The following ARFGAP3 variants were observed in gnomAD, a reference collection of about 807,000 sequenced individuals.
The protein encoded by ARFGAP3 is ADP-ribosylation factor GTPase-activating protein 3.
A neutral mutation model predicts 75.0 loss-of-function variants in ARFGAP3; 72 were observed. The ratio of observed to expected loss-of-function variants is 0.96; its 90% CI spans 0.79 to 1.17. The LOEUF is 1.17. Among genes scored for constraint, ARFGAP3 ranks in the 50% most tolerant of loss-of-function variants. ARFGAP3 has a pLI of 0.00. For synonymous variants in ARFGAP3, 221 were observed against 217.9 expected (o/e 1.01, Z -0.13); for missense variants, 620 against 626.6 (o/e 0.99, Z 0.11).
chr22:42,856,673 C>T (rs1471552372), intron 1 of ARFGAP3, among the ~76,000 whole-genome samples: 2 of 152,322 alleles, frequency 1.3e-5, no homozygotes, highest in East Asian at 3.9e-4. Flanking sequence ...GCCAAGCCGG[C>T]TCCAACAGGC....
intron 3 of ARFGAP3, 135 bp downstream of exon 3, chr22:42,840,809 A>T: frequency 1.1e-6 from 1 of 878,290 alleles, no homozygotes; most frequent in Non-Finnish European, 1.7e-6. Context: ...ATCCTCCCAA[A>T]CGCCTGTAAT....
chr22:42,853,026 G>A (rs1927346223), intron 1 of ARFGAP3, among the ~76,000 whole-genome samples: 1 of 152,128 alleles, frequency 6.6e-6, no homozygotes, highest in African/African-American at 2.4e-5. Context: ...AGCCTCCCAA[G>A]GTACTGGGGT....
chr22:42,856,500 C>CA lies in ARFGAP3; in HGVS notation c.69+613dup, dbSNP rs879768140. Among the ~76,000 whole-genome samples, 194 of 136,168 alleles carry CA rather than the reference C, an allele frequency of 1.4e-3. 2 individuals carry two copies. The highest frequency in any genetic ancestry group is 4.6e-3 in the Admixed American group (62 of 13,566). 89.3% of individuals were successfully genotyped at this position (136,168 alleles called of 152,430 possible). The stretch of plus-strand genomic sequence containing the variant: ...CCAGGGAGAGAACAGCCTCTGGAGA[C>CA]AAAAAAAAAAAGGAAACCTCCATCT... On this transcript the variant is annotated intron_variant, in intron 1 of 15. Transcript: ENST00000263245.
chr22:42,845,830 G>A (rs963045514), intron 2 of ARFGAP3, among the ~76,000 whole-genome samples: 4 of 151,966 alleles, frequency 2.6e-5, no homozygotes, highest in Admixed American at 1.3e-4. Flanking sequence ...ACAAGGTCAG[G>A]AGATCAAGAC....
In ARFGAP3 at chr22:42,807,070, T is replaced by C. The variant is rs1468821188; in HGVS notation, c.1411+3A>G. ...AGACCAGCTCTTGTTCAGTGCCCCC[T>C]ACCTGCTGGCTGCTTCCTCGGCTCC... is the stretch of plus-strand genomic sequence containing the variant. On this transcript the variant is annotated splice_donor_region_variant and intron_variant, in intron 14 of 15. Transcript: ENST00000263245. 6.2e-7 allele frequency: 1 copy of C among 1,608,504 alleles called. No homozygotes were observed. Among genetic ancestry groups the C allele is most frequent in the East Asian group, 2.2e-5 (1 of 44,866 alleles).
chr22:42,841,731 G>A (rs1472744793), intron 2 of ARFGAP3, among the ~76,000 whole-genome samples: 2 of 152,156 alleles, frequency 1.3e-5, no homozygotes, highest in Non-Finnish European at 2.9e-5. Flanking sequence ...TACACTAACT[G>A]TAAAGGAATG....
intron 3 of ARFGAP3, among the ~76,000 whole-genome samples, chr22:42,839,673 C>T (rs1926694389): frequency 6.6e-6 from 1 of 151,636 alleles, no homozygotes; most frequent in Admixed American, 6.6e-5. Context: ...TACAAGCATT[C>T]CATCCTAACC....
chr22:42,838,112 CATT>C (rs1926609135), intron 3 of ARFGAP3, among the ~76,000 whole-genome samples: 1 of 151,746 alleles, frequency 6.6e-6, no homozygotes, highest in Admixed American at 6.6e-5. Flanking sequence ...TAATTTATCT[CATT>C]AGGGAAACAT....
intron 14 of ARFGAP3, among the ~76,000 whole-genome samples, chr22:42,799,805 C>T (rs1924774985): frequency 1.3e-5 from 2 of 152,158 alleles, no homozygotes; most frequent in Non-Finnish European, 2.9e-5. Flanking sequence ...TGTTACCTCC[C>T]CCAAGGAGGT....
At chr22:42,840,894 T>A (rs777550402) in intron 3 of ARFGAP3, 50 bp downstream of exon 3, 2 of 1,582,256 alleles carry the variant, frequency 1.3e-6, no homozygotes, top group Non-Finnish European at 1.7e-6. Flanking sequence ...TATTATAGCA[T>A]AACAAATATT....
Position 42,797,481 on chromosome 22 carries a change from A to G in ARFGAP3, c.*107T>C, listed in dbSNP as rs993921304. The G allele has an allele frequency of 4.9e-6, 7 of 1,419,646 alleles. No homozygotes were observed. Among genetic ancestry groups the G allele is most frequent in the East Asian group, 4.6e-5 (2 of 43,720 alleles). The allele number at this position is 1,419,646 out of a possible 1,614,324, so 87.9% of individuals were successfully genotyped here. ...AGAAACATATACCATATGAAAAAGT[A>G]GCAAAACAATCTGCAAAACTATCTG... On this transcript the variant is annotated 3_prime_UTR_variant, in exon 16 of 16. Transcript: ENST00000263245.
intron 6 of ARFGAP3, among the ~76,000 whole-genome samples, chr22:42,831,286 C>CAAA (rs560803857): frequency 5.0e-4 from 36 of 72,668 alleles, no homozygotes; most frequent in African/African-American, 1.3e-3. Flanking sequence ...GACTTAGTCT[C>CAAA]AAAAAAAAAA....
chr22:42,856,363 G>A (rs919857653), intron 1 of ARFGAP3, among the ~76,000 whole-genome samples: 8 of 152,192 alleles, frequency 5.3e-5, no homozygotes, highest in African/African-American at 1.9e-4. Flanking sequence ...GAGAGCCCAC[G>A]CTGACGCGAC....
At chr22:42,805,483 G>A (rs932019949) in intron 14 of ARFGAP3, among the ~76,000 whole-genome samples, 1 of 152,200 alleles carries the variant, frequency 6.6e-6, no homozygotes, top group African/African-American at 2.4e-5. Context: ...GGGGCTGCTG[G>A]AGGTCTCCAA....
At chr22:42,840,910 A>G in intron 3 of ARFGAP3, 34 bp downstream of exon 3, 3 of 1,606,654 alleles carry the variant, frequency 1.9e-6, no homozygotes, top group Non-Finnish European at 2.6e-6. Flanking sequence ...ATATTTAAAC[A>G]AGAAGGAAAA....
chr22:42,846,986 G>A (rs1927048318), intron 2 of ARFGAP3, among the ~76,000 whole-genome samples: 1 of 152,134 alleles, frequency 6.6e-6, no homozygotes, highest in Non-Finnish European at 1.5e-5. Flanking sequence ...GGACTCTGTA[G>A]AGTCCAGAGG....
chr22:42,799,941 T>G (rs1383217669), intron 14 of ARFGAP3, among the ~76,000 whole-genome samples: 1 of 152,202 alleles, frequency 6.6e-6, no homozygotes, highest in Non-Finnish European at 1.5e-5. Context: ...TTAGTGGCCC[T>G]AAGTTTTGTT....
At chr22:42,809,427 G>C (rs1925264673) in intron 12 of ARFGAP3, among the ~76,000 whole-genome samples, 2 of 152,164 alleles carry the variant, frequency 1.3e-5, no homozygotes, top group South Asian at 4.1e-4. Flanking sequence ...TCTTCCCCAA[G>C]TGTACTAAGA....
intron 6 of ARFGAP3, among the ~76,000 whole-genome samples, chr22:42,829,430 G>A (rs1011370573): frequency 6.6e-6 from 1 of 152,102 alleles, no homozygotes; most frequent in Admixed American, 6.5e-5. Context: ...ACACCCAAGG[G>A]CAAATGTGGC....
Sources: allele counts gnomAD v4.1 joint callset (sites outside exome capture counted in the v4.1 genomes callset), GRCh38; gene constraint gnomAD v4.1.1; transcripts MANE v1.5; gene names NCBI Gene and HGNC (gene_info 2026-07-23, HGNC 2026-07-21).